The following DNAJC1 variants were observed in gnomAD, a reference collection of about 807,000 sequenced individuals.
The protein encoded by DNAJC1 is dnaJ homolog subfamily C member 1.
DNAJC1 carries 58 observed loss-of-function variants against 76.6 expected under a neutral mutation model. The ratio of observed to expected loss-of-function variants is 0.76; its 90% confidence interval spans 0.61 to 0.94. The LOEUF (loss-of-function observed/expected upper bound fraction) is 0.94. DNAJC1 is among the 40% of genes least tolerant of loss of function. The pLI, the probability that DNAJC1 is intolerant of heterozygous loss-of-function variation, is 0.00. For synonymous variants in DNAJC1, 258 were observed against 267.9 expected (o/e 0.96, Z 0.36); for missense variants, 689 against 677.3 (o/e 1.02, Z -0.19).
At chr10:21,947,372 C>G (rs1837521254) in intron 1 of DNAJC1, among the ~76,000 whole-genome samples, 2 of 152,186 alleles carry the variant, frequency 1.3e-5, no homozygotes, top group African/African-American at 4.8e-5. Flanking sequence ...TCCCGTTCCA[C>G]TTCCTCCACC....
intron 1 of DNAJC1, among the ~76,000 whole-genome samples, chr10:21,978,114 C>T (rs913730794): frequency 2.0e-5 from 3 of 152,104 alleles, no homozygotes; most frequent in African/African-American, 7.2e-5. Context: ...GTTCTTCCAT[C>T]TATCTCATTC....
intron 8 of DNAJC1, among the ~76,000 whole-genome samples, chr10:21,811,823 G>A (rs930292179): frequency 2.0e-5 from 3 of 152,144 alleles, no homozygotes; most frequent in Non-Finnish European, 4.4e-5. Context: ...TATAAATACA[G>A]AGGGGTGGAA....
At chr10:21,816,719 G>T (rs1281006771) in intron 8 of DNAJC1, among the ~76,000 whole-genome samples, 2 of 149,244 alleles carry the variant, frequency 1.3e-5, no homozygotes, top group Admixed American at 6.7e-5. Context: ...CTAATTTTTT[G>T]TATTTTTAGT....
intron 8 of DNAJC1, among the ~76,000 whole-genome samples, chr10:21,820,358 T>G (rs1299859312): frequency 6.6e-6 from 1 of 152,230 alleles, no homozygotes; most frequent in Non-Finnish European, 1.5e-5. Context: ...TACTTTTTGA[T>G]TATTAAAAAT....
intron 9 of DNAJC1, among the ~76,000 whole-genome samples, chr10:21,778,956 C>A (rs559314217): frequency 6.6e-6 from 1 of 152,262 alleles, no homozygotes; most frequent in South Asian, 2.1e-4. Flanking sequence ...ATATTCCACA[C>A]CTGGCTTGGA....
chr10:21,764,789 C>A (rs1393993023), intron 10 of DNAJC1, among the ~76,000 whole-genome samples: 1 of 152,066 alleles, frequency 6.6e-6, no homozygotes, highest in African/African-American at 2.4e-5. Flanking sequence ...GTGACAAAGA[C>A]CTTATGGTGC....
intron 8 of DNAJC1, among the ~76,000 whole-genome samples, chr10:21,840,861 G>A (rs1158622763): frequency 6.6e-6 from 1 of 152,066 alleles, no homozygotes; most frequent in Non-Finnish European, 1.5e-5. Context: ...TATACTACAA[G>A]GTTACAGTAA....
chr10:21,937,647 C>A (rs902505631), intron 1 of DNAJC1, among the ~76,000 whole-genome samples: 57 of 152,000 alleles, frequency 3.8e-4, no homozygotes, highest in Non-Finnish European at 6.6e-4. Context: ...ACATTCCACC[C>A]CAAAAGAGAA....
chr10:21,977,280 T>C (rs1838082191), intron 1 of DNAJC1, among the ~76,000 whole-genome samples: 1 of 152,006 alleles, frequency 6.6e-6, no homozygotes, highest in South Asian at 2.1e-4. Flanking sequence ...ACACACAAAA[T>C]GACTATGCAA....
At chr10:21,793,167 G>A (rs772288549) in intron 9 of DNAJC1, among the ~76,000 whole-genome samples, 1 of 152,072 alleles carries the variant, frequency 6.6e-6, no homozygotes, top group East Asian at 1.9e-4. Flanking sequence ...TTAGCTGGGC[G>A]TGGTGGTGAA....
At chr10:21,968,718 G>A (rs1184013465) in intron 1 of DNAJC1, among the ~76,000 whole-genome samples, 1 of 151,970 alleles carries the variant, frequency 6.6e-6, no homozygotes, top group African/African-American at 2.4e-5. Flanking sequence ...CACCGTGTTA[G>A]CCAGGATGGT....
rs184588126 is a variant in DNAJC1, at chr10:21,869,754, G to A, written c.978+12528C>T. 2.2e-3 allele frequency among the ~76,000 whole-genome samples: 342 copies of A among 152,130 alleles called. 4 individuals are homozygous for A. Among genetic ancestry groups the A allele is most frequent in the African/African-American group, 7.8e-3 (322 of 41,436 alleles). Reference sequence around the variant, plus strand: ...TGGAGAAGTGGTTAATAAATCTATAGGTGATGAAATGACATACAACTATAA... The same window carrying A: ...TGGAGAAGTGGTTAATAAATCTATAAGTGATGAAATGACATACAACTATAA... On this transcript the variant is annotated intron_variant, in intron 8 of 11. Coordinates refer to ENST00000376980, the MANE Select transcript of DNAJC1 (RefSeq NM_022365.4).
intron 9 of DNAJC1, among the ~76,000 whole-genome samples, chr10:21,799,675 C>T (rs1834791478): frequency 6.6e-6 from 1 of 152,058 alleles, no homozygotes; most frequent in Admixed American, 6.6e-5. Flanking sequence ...TCTATGAAAC[C>T]TCCCTCCCTC....
intron 8 of DNAJC1, among the ~76,000 whole-genome samples, chr10:21,838,992 G>C (rs1237596370): frequency 6.6e-6 from 1 of 152,204 alleles, no homozygotes; most frequent in Non-Finnish European, 1.5e-5. Flanking sequence ...ACCTGCTCCT[G>C]AATGACTACT....
chr10:21,807,969 CAT>C (rs1834907258), intron 8 of DNAJC1, among the ~76,000 whole-genome samples: 1 of 152,064 alleles, frequency 6.6e-6, no homozygotes, highest in African/African-American at 2.4e-5. Context: ...TCAACAAAAT[CAT>C]AGTTTTATTG....
At chr10:21,810,455 G>A (rs1379162477) in intron 8 of DNAJC1, among the ~76,000 whole-genome samples, 1 of 152,036 alleles carries the variant, frequency 6.6e-6, no homozygotes, top group Non-Finnish European at 1.5e-5. Context: ...CTAACCACAG[G>A]AATTCTGTCT....
intron 1 of DNAJC1, among the ~76,000 whole-genome samples, chr10:21,986,974 G>A (rs1326269117): frequency 6.6e-6 from 1 of 152,022 alleles, no homozygotes; most frequent in African/African-American, 2.4e-5. Context: ...CACCATGTTG[G>A]CCAGGCTGGT....
At chr10:21,763,565 G>GTT (rs34169717) in intron 10 of DNAJC1, among the ~76,000 whole-genome samples, 2,462 of 127,302 alleles carry the variant, frequency 0.019, 63 homozygotes, top group African/African-American at 0.054. Flanking sequence ...TGTGCAGGTT[G>GTT]TTTTTTTTTT....
At chr10:21,911,040 AAAGGAAGGAAGGAAGG>A (rs56239918) in intron 6 of DNAJC1, among the ~76,000 whole-genome samples, 1,701 of 130,078 alleles carry the variant, frequency 0.013, 24 homozygotes, top group South Asian at 0.028. Flanking sequence ...AAAGAGAGAG[AAAGGAAGGAAGGAAGG>A]AAGGAAGGAA....
Sources: gnomAD v4.1 joint callset for allele counts (sites outside exome capture counted in the v4.1 genomes callset) on GRCh38, gnomAD v4.1.1 for gene constraint, MANE v1.5 for transcripts, NCBI Gene and HGNC (gene_info 2026-07-23, HGNC 2026-07-21) for gene names.